Variants in NVL observed in about 807,000 individuals in gnomAD.
The protein encoded by NVL is nuclear valosin-containing protein-like.
In NVL, 84 loss-of-function variants were observed where a neutral mutation model predicts 110.2. The observed-to-expected ratio is 0.76, with a 90% confidence interval of 0.64 to 0.91. The LOEUF is 0.91. Ranked by LOEUF, NVL falls within the 40% of genes least tolerant of loss-of-function variation. The pLI, the probability that NVL is intolerant of heterozygous loss-of-function variation, is 0.00. For synonymous variants in NVL, 354 were observed against 361.1 expected, an observed-to-expected ratio of 0.98 and a Z score of 0.22; for missense variants, 882 against 1,035.9, an observed-to-expected ratio of 0.85 and a Z score of 2.04.
intron 18 of NVL, among the ~76,000 whole-genome samples, chr1:224,265,736 A>T (rs1452902410): frequency 6.6e-6 from 1 of 152,172 alleles, no homozygotes; most frequent in Non-Finnish European, 1.5e-5. Flanking sequence ...TGCTGGTTTC[A>T]AGAGAGTGGG....
At chr1:224,299,599 C>T (rs1333580716) in intron 10 of NVL, among the ~76,000 whole-genome samples, 3 of 152,196 alleles carry the variant, frequency 2.0e-5, no homozygotes, top group Non-Finnish European at 4.4e-5. Flanking sequence ...CCTTATTCAT[C>T]GTGTTTACCA....
At chr1:224,304,710 A>C (rs1190030361) in intron 8 of NVL, 26 bp downstream of exon 8, 1 of 1,554,386 alleles carries the variant, frequency 6.4e-7, no homozygotes. Flanking sequence ...TATCCATTTG[A>C]GGTAAAATTC....
At chr1:224,317,832 G>C in intron 3 of NVL, 39 bp from the exon 4 acceptor site, 1 of 1,551,994 alleles carries the variant, frequency 6.4e-7, no homozygotes, top group Non-Finnish European at 8.8e-7. Flanking sequence ...TAAAACAATC[G>C]TTTGTATAAC....
At chr1:224,234,951 A>T (rs965187455) in intron 20 of NVL, among the ~76,000 whole-genome samples, 1 of 152,082 alleles carries the variant, frequency 6.6e-6, no homozygotes, top group African/African-American at 2.4e-5. Flanking sequence ...TTCAGATTTG[A>T]GCACTTAAAG....
intron 12 of NVL, among the ~76,000 whole-genome samples, chr1:224,292,878 G>C (rs1558315817): frequency 6.6e-6 from 1 of 151,836 alleles, no homozygotes; most frequent in Non-Finnish European, 1.5e-5. Context: ...AGTTTCCTAA[G>C]TAGCTGGGAT....
In NVL at chr1:224,308,089, A is replaced by C; in HGVS notation, c.517T>G (p.Trp173Gly). 6.2e-7 allele frequency: 1 copy of C among 1,611,998 alleles called. No individual in the cohort carries two copies. The highest frequency in any genetic ancestry group is 8.5e-7 in the Non-Finnish European group (1 of 1,179,408). Residue 173 changes from tryptophan (W) to glycine (G), a missense_variant, in exon 6 of 23, where the codon TGG becomes GGG. Transcript: ENST00000281701. ...ACACTTGGGGTTTTGTCAATAAACC[A>C]TCCTCCTTCAGAATCTTTGGCAGGG... ...KTPAKDSEGGWFIDKTPSVKK... is the reference protein window; with the variant it reads ...KTPAKDSEGGGFIDKTPSVKK...
intron 22 of NVL, among the ~76,000 whole-genome samples, chr1:224,228,808 G>A (rs1180529083): frequency 3.3e-5 from 5 of 149,696 alleles, no homozygotes; most frequent in Admixed American, 1.3e-4. Context: ...GCATGGTGGC[G>A]GGCGCCTGTA....
chr1:224,311,359 C>T (rs911992360), intron 5 of NVL, among the ~76,000 whole-genome samples: 2 of 150,494 alleles, frequency 1.3e-5, no homozygotes, highest in Non-Finnish European at 3.0e-5. Flanking sequence ...CGACAGCTAG[C>T]CTTATTTTTT....
In NVL at chr1:224,330,151, C is replaced by T. The variant is rs1572097203; in HGVS notation, c.-24G>A. ...ATCGCGTCGGTCTTCCAAGCCACAGCTCGGACCGCCAGCTCCTAGTCAACC... is the reference window on the plus strand; with the variant it reads ...ATCGCGTCGGTCTTCCAAGCCACAGTTCGGACCGCCAGCTCCTAGTCAACC... On this transcript the variant is annotated 5_prime_UTR_variant, in exon 1 of 23. Coordinates refer to ENST00000281701, the MANE Select transcript of NVL (RefSeq NM_002533.4). 6.2e-7 allele frequency: 1 copy of T among 1,613,450 alleles called. No homozygotes were observed.
Position 224,305,014 on chromosome 1 carries a change from C to T in NVL, c.748+20G>A, listed in dbSNP as rs1273329636. 1 of 1,610,534 alleles carries T rather than the reference C, an allele frequency of 6.2e-7. No homozygotes were observed. Among genetic ancestry groups the T allele is most frequent in the South Asian group, 1.1e-5 (1 of 90,144 alleles). ...TCACTGCAAACATGACCACTGCCAC[C>T]AACAAGACTCACACCTTACCTTTCT... On this transcript the variant is annotated intron_variant, in intron 7 of 22. Coordinates refer to ENST00000281701, the MANE Select transcript of NVL (RefSeq NM_002533.4).
intron 10 of NVL, chr1:224,297,695 G>A (rs964901680): frequency 5.6e-6 from 1 of 178,226 alleles, no homozygotes; most frequent in Non-Finnish European, 1.3e-5. Flanking sequence ...ATGTTCTCTA[G>A]GCCGTTCAGA....
intron 9 of NVL, among the ~76,000 whole-genome samples, chr1:224,302,428 C>T (rs1047237312): frequency 1.1e-4 from 17 of 151,978 alleles, no homozygotes; most frequent in Middle Eastern, 3.2e-3. Flanking sequence ...CTTGAACTCC[C>T]GACCTCAGGT....
chr1:224,283,150 G>A (rs954563541), intron 15 of NVL, among the ~76,000 whole-genome samples: 1 of 152,152 alleles, frequency 6.6e-6, no homozygotes, highest in African/African-American at 2.4e-5. Context: ...GTCCATTCAT[G>A]GAGTCCTAGG....
At chr1:224,259,506 A>T (rs900723839) in intron 18 of NVL, among the ~76,000 whole-genome samples, 26 of 152,224 alleles carry the variant, frequency 1.7e-4, no homozygotes, top group Admixed American at 1.0e-3. Context: ...TGCCACTTAC[A>T]TCTCAGTAAA....
chr1:224,287,748 A>G (rs1353734007), intron 14 of NVL, 27 bp downstream of exon 14: 1 of 1,588,258 alleles, frequency 6.3e-7, no homozygotes, highest in East Asian at 2.2e-5. Flanking sequence ...TGACATGCCA[A>G]TAATATTTGG....
chr1:224,261,101 C>G (rs913889276), intron 18 of NVL, among the ~76,000 whole-genome samples: 1 of 152,108 alleles, frequency 6.6e-6, no homozygotes, highest in Non-Finnish European at 1.5e-5. Flanking sequence ...GTCTCGAACT[C>G]CTGACCTCAT....
chr1:224,241,023 T>G (rs1373716609), intron 19 of NVL, among the ~76,000 whole-genome samples: 3 of 151,906 alleles, frequency 2.0e-5, no homozygotes, highest in Non-Finnish European at 4.4e-5. Context: ...ACTCCTGACC[T>G]GGTGATCCAC....
At chr1:224,293,305 G>A (rs1028750169) in intron 12 of NVL, among the ~76,000 whole-genome samples, 4 of 151,696 alleles carry the variant, frequency 2.6e-5, no homozygotes, top group Non-Finnish European at 4.4e-5. Context: ...TCCTGACCTC[G>A]TGATCCGCCC....
intron 22 of NVL, among the ~76,000 whole-genome samples, chr1:224,230,674 G>C (rs1351818647): frequency 6.6e-6 from 1 of 152,090 alleles, no homozygotes; most frequent in Non-Finnish European, 1.5e-5. Context: ...AAAGTTGTTA[G>C]AGAATCTAGT....
Sources: allele counts gnomAD v4.1 joint callset (sites outside exome capture counted in the v4.1 genomes callset), GRCh38; gene constraint gnomAD v4.1.1; transcripts MANE v1.5; gene names NCBI Gene and HGNC (gene_info 2026-07-23, HGNC 2026-07-21).